The following LYPD6B variants were observed in gnomAD, a reference collection of about 807,000 sequenced individuals.
The protein encoded by LYPD6B is ly6/PLAUR domain-containing protein 6B.
In LYPD6B, 17 loss-of-function variants were observed where a neutral mutation model predicts 22.8. That is an observed-to-expected ratio of 0.75 (90% CI 0.51 to 1.12). The LOEUF is 1.12. Among genes scored for constraint, LYPD6B ranks in the 50% most tolerant of loss-of-function variants. The probability of loss-of-function intolerance (pLI) is 0.00; values close to 1 mark genes in which losing one functional copy is unlikely to be tolerated. For synonymous variants in LYPD6B, 106 were observed against 91.6 expected, an observed-to-expected ratio of 1.16 and a Z score of -0.90; for missense variants, 221 against 258.3, an observed-to-expected ratio of 0.86 and a Z score of 0.99.
intron 3 of LYPD6B, among the ~76,000 whole-genome samples, chr2:149,201,976 A>G (rs961034944): frequency 4.6e-5 from 7 of 152,168 alleles, no homozygotes; most frequent in African/African-American, 1.7e-4. Flanking sequence ...TAATGGCACT[A>G]GGGTTCCTAC....
At chr2:149,066,230 G>C (rs1684321903) in intron 1 of LYPD6B, among the ~76,000 whole-genome samples, 1 of 151,572 alleles carries the variant, frequency 6.6e-6, no homozygotes, top group African/African-American at 2.4e-5. Flanking sequence ...ACAACGTACA[G>C]GTTTGTTACA....
At chr2:149,162,898 T>G (rs229334) in intron 3 of LYPD6B, among the ~76,000 whole-genome samples, 20,447 of 152,150 alleles carry the variant, frequency 0.13, 2,008 homozygotes, top group African/African-American at 0.28. Flanking sequence ...AGAAGTTATA[T>G]CCTTGACTTG....
chr2:149,093,556 A>T (rs1685765809), intron 1 of LYPD6B, among the ~76,000 whole-genome samples: 2 of 152,176 alleles, frequency 1.3e-5, no homozygotes, highest in Admixed American at 6.5e-5. Context: ...TAAACATCAA[A>T]TTCAGGAATT....
At chr2:149,101,929 T>C (rs574594465) in intron 1 of LYPD6B, among the ~76,000 whole-genome samples, 2 of 152,244 alleles carry the variant, frequency 1.3e-5, no homozygotes, top group South Asian at 4.2e-4. Flanking sequence ...TTCAGTCCCA[T>C]TCATTAGTTA....
intron 1 of LYPD6B, among the ~76,000 whole-genome samples, chr2:149,112,620 A>G (rs1224293158): frequency 6.6e-6 from 1 of 152,184 alleles, no homozygotes; most frequent in Non-Finnish European, 1.5e-5. Flanking sequence ...ATATGTATAT[A>G]AAAATACTAC....
At chr2:149,187,474 C>A in intron 3 of LYPD6B, 2 of 1,517,924 alleles carry the variant, frequency 1.3e-6, no homozygotes, top group South Asian at 2.5e-5. Flanking sequence ...GTAAACCAAA[C>A]AAAGGAAATG....
intron 3 of LYPD6B, among the ~76,000 whole-genome samples, chr2:149,183,686 G>C (rs868515423): frequency 7.9e-5 from 12 of 152,056 alleles, no homozygotes; most frequent in Middle Eastern, 3.2e-3. Flanking sequence ...TTTGTACGTG[G>C]ACTGCCTTCA....
At chr2:149,100,204 G>C (rs1686125336) in intron 1 of LYPD6B, among the ~76,000 whole-genome samples, 1 of 151,864 alleles carries the variant, frequency 6.6e-6, no homozygotes, top group Non-Finnish European at 1.5e-5. Flanking sequence ...TTGTCTTTTG[G>C]TCCCAGGTGT....
At chr2:149,151,208 T>A (rs888118233) in intron 2 of LYPD6B, among the ~76,000 whole-genome samples, 1 of 151,896 alleles carries the variant, frequency 6.6e-6, no homozygotes, top group Non-Finnish European at 1.5e-5. Context: ...GGGTGGTGGG[T>A]ATATATGGTG....
At chr2:149,180,749 A>G (rs1399521471) in intron 3 of LYPD6B, among the ~76,000 whole-genome samples, 1 of 152,204 alleles carries the variant, frequency 6.6e-6, no homozygotes, top group East Asian at 1.9e-4. Context: ...TGTCCTGGTT[A>G]GGACATCTGA....
chr2:149,120,784 CT>C (rs567231544), intron 1 of LYPD6B, among the ~76,000 whole-genome samples: 35 of 95,538 alleles, frequency 3.7e-4, no homozygotes, highest in African/African-American at 6.1e-4. Context: ...GCTACAAAGT[CT>C]TTTTTTTTTT....
At chr2:149,192,601 C>A (rs922127475) in intron 3 of LYPD6B, among the ~76,000 whole-genome samples, 2 of 152,036 alleles carry the variant, frequency 1.3e-5, no homozygotes, top group Non-Finnish European at 2.9e-5. Context: ...CTTGTAACCT[C>A]CTCATCCCCA....
chr2:149,042,176 A>G lies in LYPD6B; in HGVS notation c.-67+3375A>G, dbSNP rs1328399264. On this transcript the variant is annotated intron_variant, in intron 1 of 6. Coordinates refer to ENST00000409642, the MANE Select transcript of LYPD6B (RefSeq NM_177964.5). ...AATGGTAGATCCTGGACTAGTAAAC[A>G]ATTCTCCTGATGCTAAGTCCAAAGA... is the stretch of plus-strand genomic sequence containing the variant. 4.6e-5 allele frequency among the ~76,000 whole-genome samples: 7 copies of G among 152,220 alleles called. No homozygotes were observed. The East Asian group carries it at 1.3e-3, about 29-fold the overall frequency.
chr2:149,128,989 C>A (rs1355690494), intron 1 of LYPD6B, among the ~76,000 whole-genome samples: 1 of 152,206 alleles, frequency 6.6e-6, no homozygotes, highest in Non-Finnish European at 1.5e-5. Flanking sequence ...ACCTGGGGAA[C>A]CTCATCTCTT....
intron 1 of LYPD6B, among the ~76,000 whole-genome samples, chr2:149,070,392 AT>A: frequency 6.6e-6 from 1 of 151,988 alleles, no homozygotes; most frequent in East Asian, 1.9e-4. Flanking sequence ...CTGCTTCTTA[AT>A]TTTTCTTCTC....
At chr2:149,059,201 G>A (rs569503398) in intron 1 of LYPD6B, among the ~76,000 whole-genome samples, 1 of 152,274 alleles carries the variant, frequency 6.6e-6, no homozygotes, top group African/African-American at 2.4e-5. Flanking sequence ...AAGTCTTTTC[G>A]ACCCCATATC....
intron 3 of LYPD6B, among the ~76,000 whole-genome samples, chr2:149,176,520 G>A (rs1269699308): frequency 3.9e-5 from 6 of 152,134 alleles, no homozygotes; most frequent in Non-Finnish European, 5.9e-5. Flanking sequence ...AACCTCCATT[G>A]ATAAGTTGTC....
intron 1 of LYPD6B, among the ~76,000 whole-genome samples, chr2:149,085,592 T>C (rs1285177747): frequency 1.3e-5 from 2 of 152,250 alleles, no homozygotes; most frequent in African/African-American, 4.8e-5. Context: ...GTTTCTTAAC[T>C]GTTGGCAACA....
chr2:149,096,018 T>C (rs1331712186), intron 1 of LYPD6B, among the ~76,000 whole-genome samples: 1 of 148,692 alleles, frequency 6.7e-6, no homozygotes, highest in Non-Finnish European at 1.5e-5. Flanking sequence ...GAAAGACCCA[T>C]GTAGAGAGAC....
Sources: allele counts gnomAD v4.1 joint callset (sites outside exome capture counted in the v4.1 genomes callset), GRCh38; gene constraint gnomAD v4.1.1; transcripts MANE v1.5; gene names NCBI Gene and HGNC (gene_info 2026-07-23, HGNC 2026-07-21).